DPP6: variants seen among roughly 807,000 people sequenced by gnomAD.
DPP6 encodes dipeptidyl peptidase like 6.
In DPP6, 69 loss-of-function variants were observed where a neutral mutation model predicts 122.6. The observed-to-expected ratio is 0.56, with a 90% confidence interval of 0.46 to 0.69. The LOEUF is 0.69. DPP6 is among the 30% of genes least tolerant of loss of function. The pLI is 0.00. For synonymous variants in DPP6, 418 were observed against 433.1 expected (o/e 0.97, Z 0.43); for missense variants, 928 against 1,116.9 (o/e 0.83, Z 2.41).
chr7:154,837,107 GCA>G (rs922345234), intron 16 of DPP6, among the ~76,000 whole-genome samples: 1 of 152,010 alleles, frequency 6.6e-6, no homozygotes, highest in Non-Finnish European at 1.5e-5. Context: ...ACACCTGCAT[GCA>G]CACACACACA....
At chr7:154,332,901 A>G (rs767041280) in intron 1 of DPP6, among the ~76,000 whole-genome samples, 2 of 152,132 alleles carry the variant, frequency 1.3e-5, no homozygotes, top group African/African-American at 4.8e-5. Context: ...GGGAAAGAGT[A>G]GAAAGTTCTT....
At chr7:154,553,538 G>A (rs1829787544) in intron 4 of DPP6, among the ~76,000 whole-genome samples, 1 of 152,042 alleles carries the variant, frequency 6.6e-6, no homozygotes, top group Admixed American at 6.5e-5. Context: ...AAATCCTTAG[G>A]AACTCTGTGA....
chr7:154,373,277 C>T lies in DPP6; in HGVS notation c.244-72937C>T, dbSNP rs555924955. Among the ~76,000 whole-genome samples, 3 of 152,268 alleles carry T rather than the reference C, an allele frequency of 2.0e-5. No individual in the cohort carries two copies. The South Asian group carries it at 6.2e-4, about 32-fold the overall frequency. On this transcript the variant is annotated intron_variant, in intron 1 of 25. Transcript: ENST00000377770. Reference sequence around the variant, plus strand: ...TAATTAATTCATTTTTCTGTAAGGGCCAGCCTTCAAGAAAATGTAGAAATA... The same window carrying T: ...TAATTAATTCATTTTTCTGTAAGGGTCAGCCTTCAAGAAAATGTAGAAATA...
the DPP6 span, among the ~76,000 whole-genome samples, chr7:153,791,511 C>G: frequency 6.9e-6 from 1 of 145,158 alleles, no homozygotes; most frequent in African/African-American, 2.5e-5. Context: ...CTCTGCCTCC[C>G]AGGTGGTTCA....
chr7:154,883,879 A>G (rs530535941), intron 21 of DPP6: 1 of 68,480 alleles, frequency 1.5e-5, no homozygotes, highest in East Asian at 8.3e-4. Context: ...GCTCCCACAT[A>G]CATACATGCT....
intron 25 of DPP6, chr7:154,890,830 A>G (rs1373554873): frequency 6.6e-6 from 1 of 152,216 alleles, no homozygotes; most frequent in Non-Finnish European, 1.5e-5. Flanking sequence ...ATGACATATC[A>G]TAGCCTAATG....
At chr7:154,699,727 G>A (rs1356250850) in intron 7 of DPP6, among the ~76,000 whole-genome samples, 3 of 152,212 alleles carry the variant, frequency 2.0e-5, no homozygotes, top group Non-Finnish European at 4.4e-5. Flanking sequence ...GGCCCAGAGT[G>A]GCCTTGGAGA....
intron 1 of DPP6, among the ~76,000 whole-genome samples, chr7:154,346,975 A>T (rs968312161): frequency 8.5e-5 from 13 of 152,322 alleles, no homozygotes; most frequent in African/African-American, 2.6e-4. Flanking sequence ...TGTGAGAAAG[A>T]TAATACAGGA....
intron 1 of DPP6, among the ~76,000 whole-genome samples, chr7:154,374,521 T>G (rs1038995380): frequency 6.6e-6 from 1 of 152,184 alleles, no homozygotes; most frequent in Non-Finnish European, 1.5e-5. Context: ...CTCATGCTTC[T>G]GTCTTTCCCC....
intron 1 of DPP6, among the ~76,000 whole-genome samples, chr7:154,199,731 T>A (rs1799068269): frequency 6.6e-6 from 1 of 152,170 alleles, no homozygotes. Context: ...TGCCTCAGCC[T>A]TCTGAGTAGC....
intron 1 of DPP6, among the ~76,000 whole-genome samples, chr7:154,329,111 A>T (rs1808697230): frequency 6.6e-6 from 1 of 152,224 alleles, no homozygotes; most frequent in South Asian, 2.1e-4. Context: ...ATAGATTGGA[A>T]CAGTACAGGT....
intron 7 of DPP6, among the ~76,000 whole-genome samples, chr7:154,691,589 G>A (rs899024226): frequency 6.6e-5 from 10 of 152,308 alleles, no homozygotes; most frequent in South Asian, 4.1e-4. Flanking sequence ...GGAAGCCGAG[G>A]CGGGTGGATC....
rs5888575 is a variant in DPP6 at position 154,483,388 on chromosome 7, A to ATTT, written c.457+8362_457+8364dup. Among the ~76,000 whole-genome samples, 9,952 of 149,798 alleles carry ATTT rather than the reference A, an allele frequency of 0.066. 665 individuals carry two copies. The highest frequency in any genetic ancestry group is 0.17 in the African/African-American group (7,070 of 40,800). On this transcript the variant is annotated intron_variant, in intron 3 of 25. Coordinates refer to ENST00000377770, the MANE Select transcript of DPP6 (RefSeq NM_130797.4). The surrounding 1 kb of genome is among the most constrained non-coding windows in gnomAD (Gnocchi z 8.1). The stretch of plus-strand genomic sequence containing the variant: ...TAAAGGTAAACTGAGGCACAATACA[A>ATTT]TTTTTTTTTTTTTAAAAGCATTTAT...
chr7:153,941,083 C>T (rs984086711), intron 1 of DPP6, among the ~76,000 whole-genome samples: 2 of 152,212 alleles, frequency 1.3e-5, no homozygotes, highest in African/African-American at 2.4e-5. Context: ...TAAAGTGAGG[C>T]GTTGTCCCTA....
rs907539901 is a variant in DPP6, at chr7:153,931,335, A to G, written c.51+43601A>G. 2.0e-5 allele frequency among the ~76,000 whole-genome samples: 3 copies of G among 152,224 alleles called. No homozygotes were observed. The South Asian group carries it at 6.2e-4, about 32-fold the overall frequency. On this transcript the variant is annotated intron_variant, in intron 1 of 25. Transcript: ENST00000404039. The stretch of plus-strand genomic sequence containing the variant: ...AAGATTTGCCATTTTAAGAAGAAAA[A>G]AAAAAGGATAACATTCATCAGAGCA...
chr7:154,473,556 G>T (rs1412989691), intron 2 of DPP6, among the ~76,000 whole-genome samples: 4 of 152,154 alleles, frequency 2.6e-5, no homozygotes, highest in Non-Finnish European at 5.9e-5. Context: ...CCAAAAGGAA[G>T]AAACCAAAAG....
chr7:153,982,121 A>G (rs984782211), intron 1 of DPP6, among the ~76,000 whole-genome samples: 3 of 152,184 alleles, frequency 2.0e-5, no homozygotes, highest in African/African-American at 4.8e-5. Flanking sequence ...TCTTCTGGAT[A>G]ATATCCTGAA....
chr7:154,637,796 C>CT, intron 5 of DPP6, 25 bp from the exon 6 acceptor site: 1 of 1,555,994 alleles, frequency 6.4e-7, no homozygotes, highest in Non-Finnish European at 8.7e-7. Flanking sequence ...CAATGCCTAC[C>CT]TTTTTTCCTT....
chr7:154,069,705 C>T (rs889303140), intron 1 of DPP6, among the ~76,000 whole-genome samples: 2 of 146,904 alleles, frequency 1.4e-5, no homozygotes, highest in African/African-American at 2.5e-5. Flanking sequence ...CTTCAAGTGG[C>T]ATCTTCTTAA....
Sources: allele counts gnomAD v4.1 joint callset (sites outside exome capture counted in the v4.1 genomes callset), GRCh38; gene constraint gnomAD v4.1.1; non-coding constraint Gnocchi (gnomAD v3.1); transcripts MANE v1.5; gene names NCBI Gene and HGNC (gene_info 2026-07-23, HGNC 2026-07-21).